Variants in ATXN10 observed in about 807,000 individuals in gnomAD.
The protein encoded by ATXN10 is ataxin-10.
A neutral mutation model predicts 52.9 loss-of-function variants in ATXN10; 28 were observed. That is an observed-to-expected ratio of 0.53 (90% CI 0.39 to 0.73). The LOEUF (loss-of-function observed/expected upper bound fraction) is 0.73, where lower values mean the gene tolerates loss of function less well. Among genes scored for constraint, ATXN10 ranks in the 30% least tolerant of loss-of-function variants. The probability of loss-of-function intolerance (pLI) is 0.00; values close to 1 mark genes in which losing one functional copy is unlikely to be tolerated. For synonymous variants in ATXN10, 226 were observed against 221.5 expected (o/e 1.02, Z -0.18); for missense variants, 565 against 577.0 (o/e 0.98, Z 0.21).
chr22:45,836,882 A>C (rs1218145922), intron 10 of ATXN10, among the ~76,000 whole-genome samples: 3 of 152,312 alleles, frequency 2.0e-5, no homozygotes, highest in South Asian at 4.1e-4. Context: ...CCTTTTTCTA[A>C]CAGGGCAGAT....
intron 5 of ATXN10, among the ~76,000 whole-genome samples, chr22:45,704,508 A>C (rs954206466): frequency 6.6e-6 from 1 of 152,092 alleles, no homozygotes; most frequent in African/African-American, 2.4e-5. Context: ...TCGTTAGTTC[A>C]GTTTATTCTA....
chr22:45,689,590 A>C (rs969329271), intron 1 of ATXN10, 122 bp from the exon 2 acceptor site: 2 of 771,344 alleles, frequency 2.6e-6, no homozygotes, highest in Admixed American at 4.1e-5. Context: ...TAAATTAAGG[A>C]GCTAAAGCAG....
chr22:45,839,959 C>A (rs1929292958), intron 10 of ATXN10, among the ~76,000 whole-genome samples: 1 of 152,238 alleles, frequency 6.6e-6, no homozygotes, highest in Middle Eastern at 3.2e-3. Flanking sequence ...TACATTTGTT[C>A]ATTTAGCAAA....
intron 9 of ATXN10, among the ~76,000 whole-genome samples, chr22:45,758,190 G>A (rs1202802072): frequency 2.0e-5 from 3 of 152,196 alleles, no homozygotes; most frequent in African/African-American, 7.2e-5. Context: ...CGTCCACACT[G>A]CTCGTGTCCC....
intron 5 of ATXN10, among the ~76,000 whole-genome samples, chr22:45,717,415 C>G (rs1283657697): frequency 6.6e-6 from 1 of 152,122 alleles, no homozygotes; most frequent in Non-Finnish European, 1.5e-5. Context: ...TTTAAGATCT[C>G]AATTTAGTTT....
At chr22:45,830,701 A>T (rs1168785091) in intron 10 of ATXN10, among the ~76,000 whole-genome samples, 1 of 152,184 alleles carries the variant, frequency 6.6e-6, no homozygotes, top group African/African-American at 2.4e-5. Context: ...CAAGAAAAAA[A>T]AAAAAAACAA....
At chr22:45,685,155 A>C (rs949345733) in intron 1 of ATXN10, among the ~76,000 whole-genome samples, 1 of 151,234 alleles carries the variant, frequency 6.6e-6, no homozygotes, top group African/African-American at 2.4e-5. Flanking sequence ...ATGTGTGTGC[A>C]TACAGTATAT....
Position 45,754,404 on chromosome 22 carries a change from A to G in ATXN10, c.1173+13866A>G, listed in dbSNP as rs998259105. 1.3e-5 allele frequency among the ~76,000 whole-genome samples: 2 copies of G among 152,240 alleles called. No homozygotes were observed. Among genetic ancestry groups the G allele is most frequent in the Admixed American group, 1.3e-4 (2 of 15,286 alleles). ...TAAATTACTATTGATGACAGCAGTC[A>G]CAGTGACCTTCCATGAATGCCTCCT... On this transcript the variant is annotated intron_variant, in intron 9 of 11. Coordinates refer to ENST00000252934, the MANE Select transcript of ATXN10 (RefSeq NM_013236.4). This position sits in a 1 kb window ranked among gnomAD's most constrained non-coding sequence, Gnocchi z 5.4.
At position 45,672,171 on chromosome 22, in the gene ATXN10, G is replaced by C; in HGVS notation, c.108G>C (p.Gln36His). 1 of 1,535,808 alleles carries C rather than the reference G, an allele frequency of 6.5e-7. No homozygotes were observed. Among genetic ancestry groups the C allele is most frequent in the East Asian group, 2.5e-5 (1 of 40,478 alleles). Reference sequence around the variant, plus strand: ...CGCTCACGGCGCTCTTCAAAGAGCAGCGGAACCGGTAACGGGTCCGGCCGG... The same window carrying C: ...CGCTCACGGCGCTCTTCAAAGAGCACCGGAACCGGTAACGGGTCCGGCCGG... ...LRALTALFKE[Q>H]RNRETAPRTI... Residue 36 changes from glutamine to histidine, a missense_variant, in exon 1 of 12, where the codon CAG becomes CAC. Gln to His is a conservative substitution (Grantham distance 24). Transcript: ENST00000252934.
chr22:45,708,233 A>T lies in ATXN10; in HGVS notation c.647+5386A>T, dbSNP rs1221641628. ...TAGATAACCCTAGATGAATCCAGGGATTCTATTTTGAGTTCATCTAAATCT... is the reference window on the plus strand; with the variant it reads ...TAGATAACCCTAGATGAATCCAGGGTTTCTATTTTGAGTTCATCTAAATCT... On this transcript the variant is annotated intron_variant, in intron 5 of 11. Transcript: ENST00000252934. This position sits in a 1 kb window ranked among gnomAD's most constrained non-coding sequence, Gnocchi z 5.3. Among the ~76,000 whole-genome samples, 1 of 152,170 alleles carries T rather than the reference A, an allele frequency of 6.6e-6. No individual in the cohort carries two copies. The highest frequency in any genetic ancestry group is 1.5e-5 in the Non-Finnish European group (1 of 68,024).
intron 8 of ATXN10, 115 bp downstream of exon 8, chr22:45,738,954 A>C: frequency 2.0e-6 from 2 of 998,996 alleles, no homozygotes; most frequent in South Asian, 1.4e-5. Context: ...AATTTTGTGA[A>C]TATATTTTTT....
intron 10 of ATXN10, among the ~76,000 whole-genome samples, chr22:45,827,038 C>G (rs541793686): frequency 6.6e-6 from 1 of 151,796 alleles, no homozygotes; most frequent in South Asian, 2.1e-4. Flanking sequence ...TTTAAAGGAG[C>G]AGCATTTTTG....
intron 10 of ATXN10, chr22:45,811,580 A>C (rs1428358353): frequency 1.3e-5 from 5 of 381,900 alleles, no homozygotes; most frequent in Admixed American, 6.4e-5. Context: ...TCTATAGTCT[A>C]GAAGCAGTAG....
intron 9 of ATXN10, among the ~76,000 whole-genome samples, chr22:45,802,372 C>T (rs1308058447): frequency 6.6e-6 from 1 of 152,176 alleles, no homozygotes; most frequent in African/African-American, 2.4e-5. Context: ...TCTCTCCTGC[C>T]CCAACATTAG....
intron 9 of ATXN10, among the ~76,000 whole-genome samples, chr22:45,741,964 A>G (rs1335892909): frequency 1.3e-5 from 2 of 152,156 alleles, no homozygotes; most frequent in Non-Finnish European, 2.9e-5. Context: ...GAGGGCAACC[A>G]TGGCATTGGA....
chr22:45,831,185 G>A (rs1928979632), intron 10 of ATXN10, among the ~76,000 whole-genome samples: 1 of 152,184 alleles, frequency 6.6e-6, no homozygotes, highest in Admixed American at 6.5e-5. Context: ...GTGCTTGCCA[G>A]TGGTTGAGGG....
chr22:45,699,096 A>T (rs537187213), intron 3 of ATXN10, among the ~76,000 whole-genome samples: 1 of 152,116 alleles, frequency 6.6e-6, no homozygotes. Context: ...TTATGTAAAC[A>T]CAAGCATGAG....
At chr22:45,737,590 T>C (rs1336091174) in intron 7 of ATXN10, among the ~76,000 whole-genome samples, 1 of 152,156 alleles carries the variant, frequency 6.6e-6, no homozygotes, top group Non-Finnish European at 1.5e-5. Context: ...CAGAATACTA[T>C]ATTAATGTAT....
In ATXN10 at chr22:45,790,491, A is replaced by G. The variant is rs1242409896; in HGVS notation, c.1174-16468A>G. On this transcript the variant is annotated intron_variant, in intron 9 of 11. Coordinates refer to ENST00000252934, the MANE Select transcript of ATXN10 (RefSeq NM_013236.4). This position sits in a 1 kb window ranked among gnomAD's most constrained non-coding sequence, Gnocchi z 4.7. ...AAACCAATACTTCTTACTTGTTGCC[A>G]ACTAGCAGACCATAGCAGAAAGTCT... Among the ~76,000 whole-genome samples the G allele has an allele frequency of 6.6e-6, 1 of 152,230 alleles. No homozygotes were observed. The highest frequency in any genetic ancestry group is 6.5e-5 in the Admixed American group (1 of 15,280).
Sources: allele counts gnomAD v4.1 joint callset (sites outside exome capture counted in the v4.1 genomes callset), GRCh38; gene constraint gnomAD v4.1.1; non-coding constraint Gnocchi (gnomAD v3.1); transcripts MANE v1.5; gene names NCBI Gene and HGNC (gene_info 2026-07-23, HGNC 2026-07-21).